DCDC1: variants seen among roughly 807,000 people sequenced by gnomAD.
The protein encoded by DCDC1 is doublecortin domain containing 1.
In DCDC1, 200 loss-of-function variants were observed where a neutral mutation model predicts 178.3. The observed-to-expected ratio is 1.12, with a 90% CI of 1.00 to 1.26. The LOEUF (loss-of-function observed/expected upper bound fraction) is 1.26, where lower values mean the gene tolerates loss of function less well. Among genes scored for constraint, DCDC1 ranks in the 50% most tolerant of loss-of-function variants. DCDC1 has a pLI of 0.00. For synonymous variants in DCDC1, 690 were observed against 604.8 expected (o/e 1.14, Z -2.07); for missense variants, 1,983 against 1,749.2 (o/e 1.13, Z -2.38).
rs114078912 is a variant in DCDC1, at chr11:30,865,985, G to C, written c.*41-653C>G. On this transcript the variant is annotated intron_variant, in intron 38 of 38. Transcript: ENST00000684477. ...TCACATGTCAAAATCCTAACCCCCA[G>C]CACCTCAGGATGTGATCTTATTTGG... Among the ~76,000 whole-genome samples the C allele has an allele frequency of 3.2e-3, 487 of 152,192 alleles. 2 individuals carry two copies. The highest frequency in any genetic ancestry group is 0.011 in the African/African-American group (447 of 41,528).
At position 30,880,809 on chromosome 11, in the gene DCDC1, A is replaced by C. The variant is rs112738267; in HGVS notation, c.5233+349T>G. 4.2e-3 allele frequency among the ~76,000 whole-genome samples: 646 copies of C among 152,310 alleles called. 8 individuals are homozygous for C. Among genetic ancestry groups the C allele is most frequent in the African/African-American group, 0.015 (615 of 41,576 alleles). On this transcript the variant is annotated intron_variant, in intron 37 of 38. Coordinates refer to ENST00000684477, the MANE Select transcript of DCDC1 (RefSeq NM_001387274.1). ...AAACCACATAATTACTATTAATAAA[A>C]CATTAAGTTTTAAGTAATTTGAAAA...
intron 20 of DCDC1, among the ~76,000 whole-genome samples, chr11:31,034,470 T>C (rs1158996650): frequency 6.6e-6 from 1 of 152,200 alleles, no homozygotes; most frequent in Non-Finnish European, 1.5e-5. Flanking sequence ...CAAGCTCCAT[T>C]CATGGTAAGT....
chr11:31,350,309 G>A (rs1951009460), intron 1 of DCDC1, among the ~76,000 whole-genome samples: 1 of 151,800 alleles, frequency 6.6e-6, no homozygotes. Context: ...AATACTCAAG[G>A]AGGAATATCA....
chr11:30,885,329 A>G (rs545320356), intron 36 of DCDC1, among the ~76,000 whole-genome samples: 12 of 152,070 alleles, frequency 7.9e-5, no homozygotes, highest in African/African-American at 2.4e-4. Context: ...CCTCAGAATG[A>G]TAAAGGACTA....
chr11:30,917,856 T>C (rs1018694081), intron 25 of DCDC1, among the ~76,000 whole-genome samples: 2 of 152,240 alleles, frequency 1.3e-5, no homozygotes, highest in African/African-American at 2.4e-5. Flanking sequence ...CATAATTTGA[T>C]GTAACTACAA....
chr11:31,227,253 G>GC (rs1461144199), intron 9 of DCDC1, among the ~76,000 whole-genome samples: 11 of 152,158 alleles, frequency 7.2e-5, no homozygotes, highest in African/African-American at 2.4e-5. Context: ...TCCAGCATCT[G>GC]CCTCTGGTGA....
At chr11:30,873,209 G>C (rs1417947319) in intron 38 of DCDC1, among the ~76,000 whole-genome samples, 1 of 150,862 alleles carries the variant, frequency 6.6e-6, no homozygotes, top group East Asian at 1.9e-4. Context: ...GTAGAAGATA[G>C]AGTAATAAAA....
chr11:31,059,931 T>G lies in DCDC1; in HGVS notation c.2591+4538A>C, dbSNP rs139954863. Among the ~76,000 whole-genome samples, 1,119 of 152,202 alleles carry G rather than the reference T, an allele frequency of 7.4e-3. 21 individuals are homozygous for G. Among genetic ancestry groups the G allele is most frequent in the African/African-American group, 0.025 (1,055 of 41,558 alleles). On this transcript the variant is annotated intron_variant, in intron 20 of 38. Transcript: ENST00000684477. Reference sequence around the variant, plus strand: ...TATATAGACATGATCATTATTTGTCTGCTTAAAGAGTTTCTCATTGCTATT... The same window carrying G: ...TATATAGACATGATCATTATTTGTCGGCTTAAAGAGTTTCTCATTGCTATT...
chr11:31,038,809 C>G (rs1263534714), intron 20 of DCDC1, among the ~76,000 whole-genome samples: 1 of 150,444 alleles, frequency 6.6e-6, no homozygotes, highest in African/African-American at 2.5e-5. Flanking sequence ...GGGAACAATT[C>G]TATTGTTGGA....
At chr11:31,271,837 A>G (rs578150031) in intron 7 of DCDC1, among the ~76,000 whole-genome samples, 49 of 152,140 alleles carry the variant, frequency 3.2e-4, no homozygotes, top group African/African-American at 1.2e-3. Flanking sequence ...GCAGAGAGAG[A>G]GCTTCTGCAG....
intron 1 of DCDC1, among the ~76,000 whole-genome samples, chr11:31,364,721 T>C (rs1024032824): frequency 1.3e-5 from 2 of 151,844 alleles, no homozygotes; most frequent in South Asian, 2.1e-4. Context: ...AAGCAGATAA[T>C]AGACTGAGTT....
intron 20 of DCDC1, among the ~76,000 whole-genome samples, chr11:31,011,605 A>G (rs1203788365): frequency 6.6e-6 from 1 of 152,212 alleles, no homozygotes. Context: ...GCAAAAGCCA[A>G]GTCTGACAAC....
At chr11:31,159,958 T>C (rs1427684686) in intron 9 of DCDC1, among the ~76,000 whole-genome samples, 1 of 152,222 alleles carries the variant, frequency 6.6e-6, no homozygotes, top group Non-Finnish European at 1.5e-5. Context: ...TGAAATTTTA[T>C]TTCCATTAAT....
intron 20 of DCDC1, among the ~76,000 whole-genome samples, chr11:31,024,004 T>C (rs1010844628): frequency 1.3e-5 from 2 of 152,016 alleles, no homozygotes; most frequent in Non-Finnish European, 2.9e-5. Context: ...ATTATAAAGA[T>C]GATCATGCCT....
intron 18 of DCDC1, among the ~76,000 whole-genome samples, chr11:31,075,892 C>CT (rs1956834736): frequency 6.6e-6 from 1 of 152,120 alleles, no homozygotes; most frequent in East Asian, 1.9e-4. Flanking sequence ...GCTCTTGTTG[C>CT]CCATACTGGA....
At chr11:30,869,085 C>A (rs1245663425) in intron 38 of DCDC1, among the ~76,000 whole-genome samples, 2 of 152,228 alleles carry the variant, frequency 1.3e-5, no homozygotes, top group African/African-American at 4.8e-5. Context: ...AGGCTGCCTG[C>A]AACAGAGGGT....
chr11:31,180,907 A>G (rs1269438886), intron 9 of DCDC1, among the ~76,000 whole-genome samples: 1 of 152,042 alleles, frequency 6.6e-6, no homozygotes, highest in African/African-American at 2.4e-5. Context: ...CAGGGAGACA[A>G]GTGGTCTAGC....
At chr11:31,150,693 T>C (rs1357628195) in intron 9 of DCDC1, among the ~76,000 whole-genome samples, 2 of 152,168 alleles carry the variant, frequency 1.3e-5, no homozygotes, top group Non-Finnish European at 2.9e-5. Flanking sequence ...TCTAATTTAC[T>C]ACTGTACTTA....
At chr11:31,311,631 T>A (rs1948777350) in intron 3 of DCDC1, among the ~76,000 whole-genome samples, 1 of 152,266 alleles carries the variant, frequency 6.6e-6, no homozygotes, top group Middle Eastern at 3.4e-3. Context: ...ACAGTCTATG[T>A]CAATGTTGGC....
Sources: allele counts gnomAD v4.1 joint callset (sites outside exome capture counted in the v4.1 genomes callset), GRCh38; gene constraint gnomAD v4.1.1; transcripts MANE v1.5; gene names NCBI Gene and HGNC (gene_info 2026-07-23, HGNC 2026-07-21).